SMARCA1: variants seen among roughly 807,000 people sequenced by gnomAD.
The protein encoded by SMARCA1 is SNF2 related chromatin remodeling ATPase 1, also known as SWI/SNF-related matrix-associated actin-dependent regulator of chromatin subfamily A member 1.
SMARCA1 carries 17 observed loss-of-function variants against 93.6 expected under a neutral mutation model. That is an observed-to-expected ratio of 0.18 (90% CI 0.12 to 0.27). The LOEUF (loss-of-function observed/expected upper bound fraction) is 0.27, where lower values mean the gene tolerates loss of function less well. SMARCA1 is among the 10% of genes least tolerant of loss of function. SMARCA1 has a pLI of 1.00. For synonymous variants in SMARCA1, 271 were observed against 271.4 expected, an observed-to-expected ratio of 1.00 and a Z score of 0.01; for missense variants, 630 against 819.0, an observed-to-expected ratio of 0.77 and a Z score of 2.82.
chrX:129,499,944 T>C, intron 9 of SMARCA1, 103 bp from the exon 10 acceptor site: 1 of 378,891 alleles, frequency 2.6e-6, no homozygotes, highest in Non-Finnish European at 4.5e-6. Context: ...CACTGCATAG[T>C]CTGACAAATA....
intron 15 of SMARCA1, among the ~76,000 whole-genome samples, chrX:129,489,678 C>T (rs1316865675): frequency 8.9e-6 from 1 of 112,105 alleles, no homozygotes; most frequent in East Asian, 2.8e-4. Flanking sequence ...CTGCCTCAGC[C>T]TCCTGAGTAG....
intron 9 of SMARCA1, among the ~76,000 whole-genome samples, chrX:129,503,272 G>A (rs1934635203): frequency 8.9e-6 from 1 of 112,394 alleles, no homozygotes; most frequent in Admixed American, 9.4e-5. Context: ...TGGAATCACA[G>A]TGGTTCCAAC....
chrX:129,494,328 A>G (rs895620776), intron 12 of SMARCA1, among the ~76,000 whole-genome samples: 6 of 111,907 alleles, frequency 5.4e-5, no homozygotes, highest in African/African-American at 2.0e-4. Flanking sequence ...GGAATAAGTC[A>G]GCAAAAGCTC....
In SMARCA1 at chrX:129,489,096, A is replaced by T; in HGVS notation, c.1949-11T>A. 4.5e-6 allele frequency: 5 copies of T among 1,120,635 alleles called. No homozygotes were observed. Among genetic ancestry groups the T allele is most frequent in the Non-Finnish European group, 6.1e-6 (5 of 817,677 alleles). 92.4% of individuals were successfully genotyped at this position (1,120,635 alleles called of 1,213,427 possible). ...GGTCAATGAGTCTTCCTAATGATAA[A>T]AATTGAAATTGTACATATTCAATCA... On this transcript the variant is annotated splice_polypyrimidine_tract_variant and intron_variant, in intron 15 of 24. Coordinates refer to ENST00000371121, the MANE Select transcript of SMARCA1 (RefSeq NM_001282874.2).
chrX:129,470,530 A>T (rs1474405352), intron 20 of SMARCA1, among the ~76,000 whole-genome samples: 1 of 112,016 alleles, frequency 8.9e-6, no homozygotes, highest in East Asian at 2.7e-4. Context: ...TTCAGGAGAC[A>T]ATTCACATCT....
chrX:129,457,067 G>A (rs942478978), intron 23 of SMARCA1, among the ~76,000 whole-genome samples: 1 of 111,714 alleles, frequency 9.0e-6, no homozygotes, highest in African/African-American at 3.3e-5. Flanking sequence ...TGTCTTCTCT[G>A]AAGAAATTGC....
At chrX:129,484,832 C>A (rs958171194) in intron 17 of SMARCA1, among the ~76,000 whole-genome samples, 3 of 112,027 alleles carry the variant, frequency 2.7e-5, no homozygotes, top group African/African-American at 9.7e-5. Context: ...CTACTGCAGG[C>A]AAGCTCCACC....
chrX:129,520,130 C>T (rs774486500), intron 1 of SMARCA1, among the ~76,000 whole-genome samples: 202 of 82,052 alleles, frequency 2.5e-3, no homozygotes, highest in Non-Finnish European at 2.0e-3. Context: ...ACCTTCTAAA[C>T]CTTCTCTCGT....
rs775580670 is a variant in SMARCA1, at chrX:129,494,397, T to C, written c.1627-1322A>G. On this transcript the variant is annotated intron_variant, in intron 12 of 24. Coordinates refer to ENST00000371121, the MANE Select transcript of SMARCA1 (RefSeq NM_001282874.2). ...GAAAAAACTATAGCACACGGAATAG[T>C]GTAAGCCTTGAAATATCCTCATACG... Among the ~76,000 whole-genome samples the C allele has an allele frequency of 2.7e-3, 299 of 111,870 alleles. 1 individual carries two copies. Among genetic ancestry groups the C allele is most frequent in the Non-Finnish European group, 4.4e-3 (236 of 53,203 alleles).
chrX:129,458,686 A>G (rs1356663328), intron 23 of SMARCA1, among the ~76,000 whole-genome samples: 1 of 112,371 alleles, frequency 8.9e-6, no homozygotes, highest in Non-Finnish European at 1.9e-5. Flanking sequence ...TTTCCTATGT[A>G]CTAAAATCCT....
intron 7 of SMARCA1, 118 bp from the exon 8 acceptor site, chrX:129,506,329 A>G: frequency 1.9e-6 from 1 of 539,433 alleles, no homozygotes; most frequent in Non-Finnish European, 3.1e-6. Flanking sequence ...AAAATTTTCT[A>G]TGGAAAAATA....
At chrX:129,506,762 T>C (rs1405050513) in intron 7 of SMARCA1, among the ~76,000 whole-genome samples, 1 of 105,975 alleles carries the variant, frequency 9.4e-6, no homozygotes, top group African/African-American at 3.4e-5. Flanking sequence ...TCCCCCCAAC[T>C]TCAAAATTTT....
chrX:129,493,388 T>C (rs966303762), intron 12 of SMARCA1, among the ~76,000 whole-genome samples: 5 of 111,725 alleles, frequency 4.5e-5, no homozygotes, highest in Non-Finnish European at 7.5e-5. Flanking sequence ...CAGAAATACT[T>C]GTATTTAATT....
chrX:129,453,871 G>T (rs1326756765), intron 23 of SMARCA1, among the ~76,000 whole-genome samples: 1 of 111,631 alleles, frequency 9.0e-6, no homozygotes, highest in African/African-American at 3.3e-5. Flanking sequence ...ACTGCCCAAA[G>T]TAATTTATAG....
At chrX:129,490,018 G>T in intron 15 of SMARCA1, 42 bp downstream of exon 15, 1 of 1,034,801 alleles carries the variant, frequency 9.7e-7, no homozygotes, top group Non-Finnish European at 1.3e-6. Context: ...AACTACATGT[G>T]TTTTACAAAA....
chrX:129,489,067 T>C lies in SMARCA1; in HGVS notation c.1967A>G (p.Gln656Arg), dbSNP rs1134838. ...TTCCTCTTTTGCCAGCTTGTTAGACTGTTGGTCAATGAGTCTTCCTAATGA... is the reference window on the plus strand; with the variant it reads ...TTCCTCTTTTGCCAGCTTGTTAGACCGTTGGTCAATGAGTCTTCCTAATGA... The part of the protein sequence containing the change: ...VIQQGRLIDQ[Q>R]SNKLAKEEML... Residue 656 changes from glutamine to arginine, a missense_variant, in exon 16 of 25, where the codon CAG becomes CGG. This residue lies in a region of SMARCA1 where 382 missense variants were observed against 537.9 expected (regional missense o/e 0.71). Transcript: ENST00000371121. The C allele has an allele frequency of 1.3e-5, 15 of 1,178,662 alleles. No individual in the cohort carries two copies. The highest frequency in any genetic ancestry group is 1.6e-5 in the Non-Finnish European group (14 of 868,680).
chrX:129,459,481 C>T (rs1932764608), intron 23 of SMARCA1, among the ~76,000 whole-genome samples: 1 of 112,347 alleles, frequency 8.9e-6, no homozygotes, highest in South Asian at 3.7e-4. Context: ...AGAATAAATA[C>T]CTTAAATGAA....
At chrX:129,462,033 T>C (rs530476822) in intron 23 of SMARCA1, among the ~76,000 whole-genome samples, 12 of 111,920 alleles carry the variant, frequency 1.1e-4, no homozygotes, top group Middle Eastern at 4.6e-3. Flanking sequence ...TTTATGACTG[T>C]TAGTTAAGTC....
intron 23 of SMARCA1, among the ~76,000 whole-genome samples, chrX:129,450,815 C>A (rs1932253600): frequency 9.0e-6 from 1 of 111,221 alleles, no homozygotes; most frequent in Non-Finnish European, 1.9e-5. Context: ...AAATTTTCTG[C>A]AATGAACATT....
Sources: gnomAD v4.1 joint callset for allele counts (sites outside exome capture counted in the v4.1 genomes callset) on GRCh38, gnomAD v4.1.1 for gene constraint, gnomAD v4.1.1 regional missense constraint, MANE v1.5 for transcripts, NCBI Gene and HGNC (gene_info 2026-07-23, HGNC 2026-07-21) for gene names.